ATRNL1: variants seen among roughly 807,000 people sequenced by gnomAD.
The protein encoded by ATRNL1 is attractin like 1.
Under a neutral mutation model 182.7 loss-of-function variants are expected in ATRNL1, and 95 were observed. The observed-to-expected ratio is 0.52, with a 90% CI of 0.44 to 0.62. ATRNL1 has a LOEUF of 0.62. Among genes scored for constraint, ATRNL1 ranks in the 20% least tolerant of loss-of-function variants. The probability of loss-of-function intolerance (pLI) is 0.00; values close to 1 mark genes in which losing one functional copy is unlikely to be tolerated. For missense variants in ATRNL1, 1,471 were observed against 1,679.5 expected (o/e 0.88, Z 2.17); for synonymous variants, 576 against 568.3 (o/e 1.01, Z -0.19).
chr10:115,449,595 G>A (rs1214109208), intron 21 of ATRNL1, among the ~76,000 whole-genome samples: 1 of 152,154 alleles, frequency 6.6e-6, no homozygotes, highest in African/African-American at 2.4e-5. Context: ...GGCTTCAGGG[G>A]TTGTGGGTAC....
chr10:115,465,698 C>T (rs1313140526), intron 22 of ATRNL1, among the ~76,000 whole-genome samples: 2 of 151,422 alleles, frequency 1.3e-5, no homozygotes, highest in African/African-American at 4.8e-5. Flanking sequence ...TTCTGATTTA[C>T]TCTATGTATT....
intron 19 of ATRNL1, among the ~76,000 whole-genome samples, chr10:115,344,107 A>G (rs1293769682): frequency 6.6e-6 from 1 of 152,142 alleles, no homozygotes; most frequent in Non-Finnish European, 1.5e-5. Flanking sequence ...GATCTTGCCT[A>G]CAGCCTGCTG....
chr10:115,886,354 A>G (rs1166742684), intron 28 of ATRNL1, among the ~76,000 whole-genome samples: 1 of 152,202 alleles, frequency 6.6e-6, no homozygotes, highest in Non-Finnish European at 1.5e-5. Flanking sequence ...GTCTCTACTA[A>G]AAATACAAAA....
intron 26 of ATRNL1, among the ~76,000 whole-genome samples, chr10:115,597,180 T>C (rs1423760289): frequency 3.9e-5 from 6 of 152,192 alleles, no homozygotes; most frequent in African/African-American, 1.4e-4. Flanking sequence ...CTATGTTTAC[T>C]AAAATTTTTT....
intron 28 of ATRNL1, among the ~76,000 whole-genome samples, chr10:115,888,454 G>T (rs965752616): frequency 2.6e-5 from 4 of 152,086 alleles, no homozygotes; most frequent in Non-Finnish European, 5.9e-5. Flanking sequence ...GGTCCTTACC[G>T]CTCTGGCTCT....
chr10:115,928,997 CT>C (rs1234829314), intron 28 of ATRNL1, among the ~76,000 whole-genome samples: 2 of 151,938 alleles, frequency 1.3e-5, no homozygotes, highest in African/African-American at 4.8e-5. Flanking sequence ...TCCTTATGTT[CT>C]TCTTTAGTGT....
chr10:115,868,813 G>GTCTTTAT (rs1951499496), intron 28 of ATRNL1, among the ~76,000 whole-genome samples: 1 of 127,562 alleles, frequency 7.8e-6, no homozygotes, highest in African/African-American at 2.8e-5. Context: ...CTGGTGGCAA[G>GTCTTTAT]TCTTTATTCT....
At chr10:115,185,808 G>T (rs1172670118) in intron 8 of ATRNL1, among the ~76,000 whole-genome samples, 1 of 152,042 alleles carries the variant, frequency 6.6e-6, no homozygotes. Context: ...TAACTTGTCT[G>T]AGTGATCAAA....
chr10:115,827,333 A>C (rs1565414749), intron 27 of ATRNL1, among the ~76,000 whole-genome samples: 1 of 152,372 alleles, frequency 6.6e-6, no homozygotes, highest in East Asian at 1.9e-4. Flanking sequence ...TAAAACAGTC[A>C]TAACATTGGC....
chr10:115,188,190 G>T (rs1352731814), intron 8 of ATRNL1, among the ~76,000 whole-genome samples: 2 of 152,060 alleles, frequency 1.3e-5, no homozygotes, highest in African/African-American at 2.4e-5. Flanking sequence ...TGTATGGGGA[G>T]TTCTTTGGCT....
intron 26 of ATRNL1, among the ~76,000 whole-genome samples, chr10:115,582,970 C>A (rs1855230808): frequency 6.8e-6 from 1 of 146,898 alleles, no homozygotes; most frequent in African/African-American, 2.5e-5. Context: ...ATATGGCTAG[C>A]CAGTTTTCCC....
chr10:115,093,922 T>C lies in ATRNL1; in HGVS notation c.172T>C (p.Ser58Pro). Residue 58 changes from serine to proline, a missense_variant, in exon 1 of 29, where the codon TCC (serine) becomes CCC (proline). By Grantham distance (74) the Ser-to-Pro change is moderately conservative. Transcript: ENST00000355044. The surrounding 1 kb of genome is among the most constrained non-coding windows in gnomAD (Gnocchi z 6.1). ...CTACCTGGCGCTCTACGCGCAGGTG[T>C]CCCAGTCCAAGCCGTGCGAGAGGAC... is the stretch of plus-strand genomic sequence containing the variant. ...FLYLALYAQV[S>P]QSKPCERTGS... 2 of 1,596,470 alleles carry C rather than the reference T, an allele frequency of 1.3e-6. No homozygotes were observed. Among genetic ancestry groups the C allele is most frequent in the Non-Finnish European group, 1.7e-6 (2 of 1,173,098 alleles).
At chr10:115,536,361 C>T (rs943354169) in intron 25 of ATRNL1, among the ~76,000 whole-genome samples, 45 of 152,194 alleles carry the variant, frequency 3.0e-4, no homozygotes, top group African/African-American at 1.0e-3. Flanking sequence ...AGTTTGATCT[C>T]AGATTGCTGT....
chr10:115,412,218 AC>A (rs1240583634), intron 20 of ATRNL1, among the ~76,000 whole-genome samples: 1 of 152,130 alleles, frequency 6.6e-6, no homozygotes, highest in Non-Finnish European at 1.5e-5. Flanking sequence ...GAGGATAGCC[AC>A]CAGCCAATAG....
At position 115,095,690 on chromosome 10, in the gene ATRNL1, C is replaced by G. The variant is rs2084993761; in HGVS notation, c.293+1647C>G. Among the ~76,000 whole-genome samples, 5 of 151,916 alleles carry G rather than the reference C, an allele frequency of 3.3e-5. No individual in the cohort carries two copies. The South Asian group carries it at 1.0e-3, about 32-fold the overall frequency. On this transcript the variant is annotated intron_variant, in intron 1 of 28. Coordinates refer to ENST00000355044, the MANE Select transcript of ATRNL1 (RefSeq NM_207303.4). ...AGGAAAGAGATCTTAATGAATTCTG[C>G]TTGTTAGTTGTTTTTTTTTGCTTGT...
At chr10:115,711,911 C>T (rs1947073890) in intron 26 of ATRNL1, among the ~76,000 whole-genome samples, 1 of 152,132 alleles carries the variant, frequency 6.6e-6, no homozygotes, top group Non-Finnish European at 1.5e-5. Context: ...TTATCAACTT[C>T]CCAAGGAACA....
intron 21 of ATRNL1, among the ~76,000 whole-genome samples, chr10:115,451,523 T>C (rs182346180): frequency 3.4e-4 from 52 of 152,234 alleles, no homozygotes; most frequent in African/African-American, 1.2e-3. Context: ...CTCAGTATCG[T>C]TGATTGTAGA....
At chr10:115,192,072 T>G (rs1201497122) in intron 8 of ATRNL1, among the ~76,000 whole-genome samples, 1 of 152,138 alleles carries the variant, frequency 6.6e-6, no homozygotes, top group Non-Finnish European at 1.5e-5. Flanking sequence ...GATTGTTTCC[T>G]TTGCTGTGCA....
At chr10:115,544,128 G>T (rs1366929367) in intron 25 of ATRNL1, among the ~76,000 whole-genome samples, 2 of 151,938 alleles carry the variant, frequency 1.3e-5, no homozygotes, top group African/African-American at 4.8e-5. Flanking sequence ...TTTTTTCTGT[G>T]ACAAATTTGC....
Sources: gnomAD v4.1 joint callset for allele counts (sites outside exome capture counted in the v4.1 genomes callset) on GRCh38, gnomAD v4.1.1 for gene constraint, Gnocchi (gnomAD v3.1) non-coding constraint, MANE v1.5 for transcripts, NCBI Gene and HGNC (gene_info 2026-07-23, HGNC 2026-07-21) for gene names.